Variants in LARP7 observed in about 807,000 individuals in gnomAD.
The protein encoded by LARP7 is la-related protein 7.
A neutral mutation model predicts 69.3 loss-of-function variants in LARP7; 52 were observed. The ratio of observed to expected loss-of-function variants is 0.75; its 90% CI spans 0.60 to 0.95. The LOEUF (loss-of-function observed/expected upper bound fraction) is 0.95, where lower values mean the gene tolerates loss of function less well. Ranked by LOEUF, LARP7 falls within the 40% of genes least tolerant of loss-of-function variation. The pLI is 0.00. For missense variants in LARP7, 733 were observed against 673.0 expected (o/e 1.09, Z -0.99); for synonymous variants, 254 against 215.9 (o/e 1.18, Z -1.55).
chr4:112,650,460 G>A lies in LARP7; in HGVS notation c.1295-1G>A, dbSNP rs1369233302. The A allele has an allele frequency of 1.2e-6, 2 of 1,613,438 alleles. No homozygotes were observed. The highest frequency in any genetic ancestry group is 2.2e-5 in the South Asian group (2 of 91,032). ...CCTGGTCTTTTTCCTTTTCTAATCA[G>A]CAGCCAACAGGGAAGAGTGTCGCAC... On this transcript the variant is annotated splice_acceptor_variant, in intron 9 of 12. Coordinates refer to ENST00000344442, the MANE Select transcript of LARP7 (RefSeq NM_016648.4). LOFTEE classifies it high-confidence loss of function.
intron 1 of LARP7, among the ~76,000 whole-genome samples, chr4:112,638,658 T>C (rs1287939708): frequency 6.6e-6 from 1 of 152,178 alleles, no homozygotes; most frequent in Admixed American, 6.5e-5. Context: ...ATGACAGTGG[T>C]CCCATAAGAT....
intron 9 of LARP7, chr4:112,650,149 C>CT (rs562335739): frequency 6.1e-5 from 13 of 213,346 alleles, no homozygotes; most frequent in East Asian, 2.2e-4. Context: ...TATCCTTTAA[C>CT]TTTTTTTTAA....
At chr4:112,645,791 A>G (rs1248981179) in intron 2 of LARP7, 1 of 348,278 alleles carries the variant, frequency 2.9e-6, no homozygotes, top group Non-Finnish European at 5.6e-6. Flanking sequence ...TGCTGAGATA[A>G]GAAGCATTGA....
rs557950134 is a variant in LARP7 at position 112,648,586 on chromosome 4, C to T, written c.1142+752C>T. ...CCCAACATACAACTTCTTTGGACTT[C>T]AGAGTATTTAGAGCTGAGGAGAAAG... On this transcript the variant is annotated intron_variant, in intron 8 of 12. Coordinates refer to ENST00000344442, the MANE Select transcript of LARP7 (RefSeq NM_016648.4). 5 of 503,376 alleles carry T rather than the reference C, an allele frequency of 9.9e-6. No homozygotes were observed. The East Asian group carries it at 2.4e-4, about 24-fold the overall frequency. The allele number at this position is 503,376 out of a possible 1,614,324, so 31.2% of individuals were successfully genotyped here.
chr4:112,647,917 A>T (rs1379932548), intron 8 of LARP7, 83 bp downstream of exon 8: 3 of 1,016,540 alleles, frequency 3.0e-6, no homozygotes, highest in South Asian at 1.3e-5. Flanking sequence ...TATTCAACAG[A>T]GTTGCATATT....
intron 1 of LARP7, among the ~76,000 whole-genome samples, chr4:112,640,472 T>C (rs1244650248): frequency 1.3e-5 from 2 of 151,990 alleles, no homozygotes; most frequent in African/African-American, 4.8e-5. Context: ...GAGGCCCAAA[T>C]GGGCAGATCA....
At chr4:112,642,129 G>C (rs1218357384) in intron 1 of LARP7, among the ~76,000 whole-genome samples, 1 of 152,204 alleles carries the variant, frequency 6.6e-6, no homozygotes, top group Non-Finnish European at 1.5e-5. Flanking sequence ...GTTACCAACT[G>C]CATTTGCTGC....
chr4:112,654,331 A>C (rs2048874669), intron 12 of LARP7, 172 bp downstream of exon 12: 1 of 496,192 alleles, frequency 2.0e-6, no homozygotes, highest in Non-Finnish European at 3.6e-6. Context: ...CTAGATTTCA[A>C]AATGTATGAA....
chr4:112,656,004 C>CA (rs1354410970), intron 12 of LARP7, among the ~76,000 whole-genome samples: 1 of 152,084 alleles, frequency 6.6e-6, no homozygotes, highest in Non-Finnish European at 1.5e-5. Context: ...GTGAATCTGC[C>CA]AAAAGGTTAC....
At chr4:112,646,713 G>A in intron 4 of LARP7, 42 bp downstream of exon 4, 1 of 1,555,372 alleles carries the variant, frequency 6.4e-7, no homozygotes, top group Non-Finnish European at 8.7e-7. Context: ...AACTGGCACA[G>A]AAACAATATA....
chr4:112,646,544 TATAA>T (rs780467045), intron 3 of LARP7, 40 bp from the exon 4 acceptor site: 25 of 1,285,186 alleles, frequency 1.9e-5, no homozygotes, highest in East Asian at 5.1e-5. Flanking sequence ...AGCTTACAAT[TATAA>T]ATAATATTAG....
rs1442955017 is a variant in LARP7, at chr4:112,647,297, A to G, written c.745A>G (p.Ser249Gly). The stretch of plus-strand genomic sequence containing the variant: ...CATGGACACAAGCAACACCAGCATC[A>G]GTAAAATGAAAAGATCCAGACCCAC... ...ENMDTSNTSI[S>G]KMKRSRPTSE... The change falls in exon 7 of 13, where the codon AGT (serine) becomes GGT (glycine). Residue 249 changes from serine (S) to glycine (G), a missense_variant. Coordinates refer to ENST00000344442, the MANE Select transcript of LARP7 (RefSeq NM_016648.4). 6.2e-7 allele frequency: 1 copy of G among 1,614,084 alleles called. No individual in the cohort carries two copies. The highest frequency in any genetic ancestry group is 8.5e-7 in the Non-Finnish European group (1 of 1,180,030).
intron 1 of LARP7, among the ~76,000 whole-genome samples, chr4:112,642,100 A>C (rs2047987472): frequency 6.6e-6 from 1 of 152,186 alleles, no homozygotes; most frequent in African/African-American, 2.4e-5. Context: ...TATATGAAGA[A>C]AATATTTTCA....
chr4:112,650,391 G>A, intron 9 of LARP7, 70 bp from the exon 10 acceptor site: 2 of 1,439,702 alleles, frequency 1.4e-6, no homozygotes, highest in Non-Finnish European at 1.9e-6. Flanking sequence ...TTCTAAGGTA[G>A]TCCTCCTAAG....
chr4:112,641,581 T>C (rs1423468010), intron 1 of LARP7, among the ~76,000 whole-genome samples: 2 of 152,202 alleles, frequency 1.3e-5, no homozygotes, highest in Non-Finnish European at 1.5e-5. Context: ...GTGCTTATGA[T>C]GGAGGAAATG....
At position 112,637,206 on chromosome 4, in the gene LARP7, A is replaced by C. The variant is rs1272431048; in HGVS notation, c.-36A>C. On this transcript the variant is annotated 5_prime_UTR_variant, in exon 1 of 13. Coordinates refer to ENST00000344442, the MANE Select transcript of LARP7 (RefSeq NM_016648.4). ...GGAGACGGAAATGTCCGAAGGCCGC[A>C]GTACTTGACCCTGTATTTTGGGAGT... 6.6e-6 allele frequency: 1 copy of C among 152,224 alleles called. No homozygotes were observed. Among genetic ancestry groups the C allele is most frequent in the East Asian group, 1.9e-4 (1 of 5,190 alleles). 9.4% of individuals were successfully genotyped at this position (152,224 alleles called of 1,614,324 possible). A position where few individuals can be genotyped will look rare whatever the true frequency, so the allele number is the denominator to read the frequency against.
At chr4:112,639,539 T>C (rs1012851358) in intron 1 of LARP7, among the ~76,000 whole-genome samples, 103 of 137,070 alleles carry the variant, frequency 7.5e-4, no homozygotes, top group Admixed American at 4.6e-4. Flanking sequence ...CAAGTGTTAC[T>C]TTTTTTTTTT....
chr4:112,652,467 A>C (rs1451371245), intron 10 of LARP7, among the ~76,000 whole-genome samples: 2 of 152,166 alleles, frequency 1.3e-5, no homozygotes. Flanking sequence ...TTGCCCTCAC[A>C]GCAGGCAGTG....
At chr4:112,654,417 A>T (rs1422597545) in intron 12 of LARP7, 7 of 308,420 alleles carry the variant, frequency 2.3e-5, no homozygotes, top group African/African-American at 2.1e-5. Flanking sequence ...ATACTTTAAC[A>T]GTCTTGATAT....
Sources: allele counts gnomAD v4.1 joint callset (sites outside exome capture counted in the v4.1 genomes callset), GRCh38; gene constraint gnomAD v4.1.1; transcripts MANE v1.5; gene names NCBI Gene and HGNC (gene_info 2026-07-23, HGNC 2026-07-21).